Variants in SEZ6 observed in about 807,000 individuals in gnomAD.
SEZ6 encodes the protein seizure related 6 homolog, also known as seizure protein 6 homolog.
In SEZ6, 53 loss-of-function variants were observed where a neutral mutation model predicts 101.0. That is an observed-to-expected ratio of 0.52 (90% CI 0.42 to 0.66). SEZ6 has a LOEUF of 0.66. Among genes scored for constraint, SEZ6 ranks in the 30% least tolerant of loss-of-function variants. The pLI, the probability that SEZ6 is intolerant of heterozygous loss-of-function variation, is 0.00. For missense variants in SEZ6, 1,102 were observed against 1,289.4 expected (o/e 0.85, Z 2.23); for synonymous variants, 488 against 512.2 (o/e 0.95, Z 0.64).
At chr17:28,964,832 G>A (rs749962185) in intron 4 of SEZ6, among the ~76,000 whole-genome samples, 2 of 152,146 alleles carry the variant, frequency 1.3e-5, no homozygotes, top group South Asian at 4.1e-4. Context: ...CGAGGTGGGC[G>A]GATCACCTGA....
At chr17:28,999,578 A>G (rs765431272) in intron 1 of SEZ6, among the ~76,000 whole-genome samples, 1 of 152,140 alleles carries the variant, frequency 6.6e-6, no homozygotes, top group Non-Finnish European at 1.5e-5. Flanking sequence ...AGAAATCCCA[A>G]CAATCAATGG....
chr17:29,002,671 G>A (rs75208442), intron 1 of SEZ6, among the ~76,000 whole-genome samples: 209 of 152,214 alleles, frequency 1.4e-3, no homozygotes, highest in African/African-American at 4.7e-3. Context: ...TCCTGATCCC[G>A]AAGTGCCAGG....
At chr17:28,972,904 G>A (rs1306384938) in intron 3 of SEZ6, among the ~76,000 whole-genome samples, 2 of 152,232 alleles carry the variant, frequency 1.3e-5, no homozygotes, top group Non-Finnish European at 2.9e-5. Flanking sequence ...ACTGGGAGAA[G>A]GAGGAAGGGA....
At chr17:28,972,518 T>C (rs868049077) in intron 3 of SEZ6, among the ~76,000 whole-genome samples, 32 of 152,132 alleles carry the variant, frequency 2.1e-4, no homozygotes, top group African/African-American at 7.7e-4. Context: ...GGTGGGTCTT[T>C]GGGCTGAAGA....
intron 1 of SEZ6, among the ~76,000 whole-genome samples, chr17:28,991,976 C>T (rs909489601): frequency 6.6e-6 from 1 of 152,182 alleles, no homozygotes; most frequent in South Asian, 2.1e-4. Flanking sequence ...TCCAGGGGAA[C>T]GTTTGCTGCG....
chr17:28,983,830 G>A (rs567520915), intron 1 of SEZ6, among the ~76,000 whole-genome samples: 2 of 152,252 alleles, frequency 1.3e-5, no homozygotes, highest in Admixed American at 6.5e-5. Context: ...ACGTCTGGTG[G>A]TGGGGCTGTC....
At chr17:28,970,774 A>G (rs1046561779) in intron 3 of SEZ6, among the ~76,000 whole-genome samples, 1 of 152,172 alleles carries the variant, frequency 6.6e-6, no homozygotes, top group African/African-American at 2.4e-5. Flanking sequence ...TCCTTGTTTA[A>G]GTCCTCCAGT....
At chr17:28,991,838 C>T (rs759133902) in intron 1 of SEZ6, among the ~76,000 whole-genome samples, 2 of 152,180 alleles carry the variant, frequency 1.3e-5, no homozygotes, top group Non-Finnish European at 2.9e-5. Flanking sequence ...AACTTGGCCG[C>T]GCACAGGTGC....
At chr17:28,985,079 C>T (rs1262381584) in intron 1 of SEZ6, among the ~76,000 whole-genome samples, 1 of 152,150 alleles carries the variant, frequency 6.6e-6, no homozygotes. Flanking sequence ...CCTGAAGTCT[C>T]GCAGTGACGC....
At chr17:28,965,483 T>A (rs113728102) in intron 4 of SEZ6, among the ~76,000 whole-genome samples, 1,713 of 151,662 alleles carry the variant, frequency 0.011, 26 homozygotes, top group African/African-American at 0.036. Context: ...CTGTAAAAAA[T>A]TTTTAAAAAA....
rs1263520752 is a variant in SEZ6, at chr17:28,957,083, G to C, written c.2654C>G (p.Pro885Arg). Residue 885 changes from proline to arginine, a missense_variant, in exon 13 of 17, where the codon CCC becomes CGC. Coordinates refer to ENST00000317338, the MANE Select transcript of SEZ6 (RefSeq NM_178860.5). Reference sequence around the variant, plus strand: ...GGGTGGGGGGTCACTCCAATGCGAGGGGTGCCCAGGCACACACTTGATGCT... The same window carrying C: ...GGGTGGGGGGTCACTCCAATGCGAGCGGTGCCCAGGCACACACTTGATGCT... ...QASIKCVPGH[P>R]SHWSDPPPIC... The C allele has an allele frequency of 6.2e-7, 1 of 1,608,568 alleles. No homozygotes were observed. The highest frequency in any genetic ancestry group is 8.5e-7 in the Non-Finnish European group (1 of 1,176,028).
At chr17:28,956,507 T>A in intron 14 of SEZ6, 40 bp from the exon 15 acceptor site, 1 of 1,535,684 alleles carries the variant, frequency 6.5e-7, no homozygotes, top group Non-Finnish European at 8.8e-7. Context: ...GAGGTCTCTG[T>A]CACCTGGAGC....
At chr17:28,978,788 G>A (rs553178181) in intron 3 of SEZ6, among the ~76,000 whole-genome samples, 2 of 152,240 alleles carry the variant, frequency 1.3e-5, no homozygotes, top group South Asian at 2.1e-4. Flanking sequence ...AAGTGTGGGC[G>A]GGGTGACCAG....
In SEZ6 at chr17:28,998,766, A is replaced by G. The variant is rs200959990; in HGVS notation, c.55+7049T>C. On this transcript the variant is annotated intron_variant, in intron 1 of 16. Coordinates refer to ENST00000317338, the MANE Select transcript of SEZ6 (RefSeq NM_178860.5). ...AGGGTTGTGATGAAGGGCACCCATC[A>G]TGGATTGGCCCAGGGACCCCAGAGG... is the stretch of plus-strand genomic sequence containing the variant. Among the ~76,000 whole-genome samples the G allele has an allele frequency of 7.2e-5, 11 of 152,268 alleles. No homozygotes were observed. In the East Asian group the frequency reaches 1.9e-3, roughly 27 times the overall value.
intron 3 of SEZ6, among the ~76,000 whole-genome samples, chr17:28,974,926 A>G (rs1378830228): frequency 6.6e-6 from 1 of 152,220 alleles, no homozygotes; most frequent in East Asian, 1.9e-4. Context: ...CGGCTCAATC[A>G]CTGACCAGTT....
intron 3 of SEZ6, among the ~76,000 whole-genome samples, chr17:28,973,426 C>T (rs1259365026): frequency 6.6e-6 from 1 of 152,220 alleles, no homozygotes; most frequent in Non-Finnish European, 1.5e-5. Context: ...CACCCTTGCT[C>T]CTAGCAGTCT....
Position 28,955,934 on chromosome 17 carries a change from C to T in SEZ6, c.*28G>A. ...GTGGTGCAAGTCTGAGTTGACTTCC[C>T]TAGACTGCCCCCACCTAGATGGAGA... On this transcript the variant is annotated 3_prime_UTR_variant, in exon 17 of 17. Coordinates refer to ENST00000317338, the MANE Select transcript of SEZ6 (RefSeq NM_178860.5). The T allele has an allele frequency of 6.2e-7, 1 of 1,609,760 alleles. No individual in the cohort carries two copies. The highest frequency in any genetic ancestry group is 8.5e-7 in the Non-Finnish European group (1 of 1,178,066).
rs2098143940 is a variant in SEZ6 at position 28,955,449 on chromosome 17, C to T, written c.*513G>A. ...AGAACTTTAGAGAACTAGAGACCTC[C>T]CAAGAGGCTGATGTTGGCATGCCAG... On this transcript the variant is annotated 3_prime_UTR_variant, in exon 17 of 17. Transcript: ENST00000317338. The T allele has an allele frequency of 2.8e-6, 1 of 360,110 alleles. No individual in the cohort carries two copies. Among genetic ancestry groups the T allele is most frequent in the Admixed American group, 3.6e-5 (1 of 27,964 alleles). The allele number at this position is 360,110 out of a possible 1,614,324, so 22.3% of individuals were successfully genotyped here.
rs781554601 is a variant in SEZ6, at chr17:28,959,014, G to A, written c.2107+11C>T. 3 of 1,606,392 alleles carry A rather than the reference G, an allele frequency of 1.9e-6. No individual in the cohort carries two copies. The Admixed American group carries it at 5.0e-5, about 27-fold the overall frequency. ...CTGTCTGCACTCTGAGTGGGGTAGG[G>A]ACAAGCTCACCAAAGAAGTGGATGA... On this transcript the variant is annotated intron_variant, in intron 10 of 16. Coordinates refer to ENST00000317338, the MANE Select transcript of SEZ6 (RefSeq NM_178860.5). This position sits in a 1 kb window ranked among gnomAD's most constrained non-coding sequence, Gnocchi z 4.4.
Sources: gnomAD v4.1 joint callset for allele counts (sites outside exome capture counted in the v4.1 genomes callset) on GRCh38, gnomAD v4.1.1 for gene constraint, Gnocchi (gnomAD v3.1) non-coding constraint, MANE v1.5 for transcripts, NCBI Gene and HGNC (gene_info 2026-07-23, HGNC 2026-07-21) for gene names.